PALLD: variants seen among roughly 807,000 people sequenced by gnomAD.
PALLD encodes palladin.
Under a neutral mutation model 123.5 loss-of-function variants are expected in PALLD, and 61 were observed. The ratio of observed to expected loss-of-function variants is 0.49; its 90% CI spans 0.40 to 0.61. The LOEUF (loss-of-function observed/expected upper bound fraction) is 0.61. PALLD is among the 20% of genes least tolerant of loss of function. The pLI is 0.00. For missense variants in PALLD, 1,273 were observed against 1,377.0 expected, an observed-to-expected ratio of 0.92 and a Z score of 1.20; for synonymous variants, 465 against 496.4, an observed-to-expected ratio of 0.94 and a Z score of 0.84.
At chr4:168,801,024 G>A (rs1186304948) in intron 10 of PALLD, among the ~76,000 whole-genome samples, 1 of 152,170 alleles carries the variant, frequency 6.6e-6, no homozygotes, top group Non-Finnish European at 1.5e-5. Context: ...AATACAGTCA[G>A]ATTCCACTGA....
chr4:168,505,484 G>T (rs1442019835), intron 1 of PALLD, among the ~76,000 whole-genome samples: 1 of 152,200 alleles, frequency 6.6e-6, no homozygotes, highest in Non-Finnish European at 1.5e-5. Context: ...GAACTAAAAA[G>T]CAATTGAATT....
chr4:168,626,887 T>G (rs2723694), intron 2 of PALLD, among the ~76,000 whole-genome samples: 116,550 of 152,004 alleles, frequency 0.77, 44,874 homozygotes, highest in Admixed American at 0.86. Flanking sequence ...TTGCGGTGAT[T>G]AAAGCAGTCA....
chr4:168,836,743 C>T (rs1745256370), intron 10 of PALLD, among the ~76,000 whole-genome samples: 1 of 152,150 alleles, frequency 6.6e-6, no homozygotes, highest in Admixed American at 6.5e-5. Flanking sequence ...AAGTAGGCGG[C>T]CCTCAGCTTT....
At chr4:168,881,216 G>A (rs1012586072) in intron 10 of PALLD, among the ~76,000 whole-genome samples, 2 of 152,038 alleles carry the variant, frequency 1.3e-5, no homozygotes, top group Non-Finnish European at 2.9e-5. Context: ...CTCTTAGTTT[G>A]CTTAATCATA....
At chr4:168,898,235 G>A in intron 13 of PALLD, 1 of 509,246 alleles carries the variant, frequency 2.0e-6, no homozygotes, top group South Asian at 2.2e-5. Context: ...TCGCCTCAGA[G>A]AAAAGAAGGA....
intron 2 of PALLD, among the ~76,000 whole-genome samples, chr4:168,614,469 A>G (rs1774029639): frequency 6.6e-6 from 1 of 152,188 alleles, no homozygotes; most frequent in Non-Finnish European, 1.5e-5. Flanking sequence ...TGTATCATAC[A>G]TGTTTGAAAT....
intron 10 of PALLD, among the ~76,000 whole-genome samples, chr4:168,795,202 T>C (rs1738312741): frequency 6.6e-6 from 1 of 152,186 alleles, no homozygotes; most frequent in Non-Finnish European, 1.5e-5. Flanking sequence ...AAACATTCAG[T>C]CTTTAGCAAG....
chr4:168,623,328 T>G (rs191902737), intron 2 of PALLD, among the ~76,000 whole-genome samples: 1 of 152,220 alleles, frequency 6.6e-6, no homozygotes, highest in Admixed American at 6.5e-5. Context: ...TACTTTATTA[T>G]AGAAATAACA....
At chr4:168,643,379 A>G (rs781170898) in intron 2 of PALLD, among the ~76,000 whole-genome samples, 4 of 152,178 alleles carry the variant, frequency 2.6e-5, no homozygotes, top group East Asian at 1.9e-4. Context: ...TGGCTTTGCA[A>G]TGTTAACAGT....
chr4:168,872,104 C>T (rs995183058), intron 10 of PALLD, among the ~76,000 whole-genome samples: 3 of 152,232 alleles, frequency 2.0e-5, no homozygotes, highest in African/African-American at 7.2e-5. Flanking sequence ...GAGACTCAGC[C>T]ATCCTTTGAT....
intron 10 of PALLD, among the ~76,000 whole-genome samples, chr4:168,759,179 C>CAAAAAAAAAAAA (rs1175955888): frequency 7.7e-4 from 7 of 9,050 alleles, no homozygotes; most frequent in South Asian, 8.1e-3. Context: ...GACTCCATCT[C>CAAAAAAAAAAAA]AAAAAAAAAA....
At chr4:168,603,814 T>C (rs542420908) in intron 2 of PALLD, among the ~76,000 whole-genome samples, 1 of 152,230 alleles carries the variant, frequency 6.6e-6, no homozygotes, top group African/African-American at 2.4e-5. Flanking sequence ...ATAGTAAAAG[T>C]GGTTTGGAAA....
chr4:168,803,830 G>A (rs1213218209), intron 10 of PALLD, among the ~76,000 whole-genome samples: 3 of 152,206 alleles, frequency 2.0e-5, no homozygotes, highest in Admixed American at 6.5e-5. Context: ...CTTTGGCATG[G>A]GAGAGGACTT....
rs551288869 is a variant in PALLD at position 168,796,283 on chromosome 4, C to G, written c.1964+84360C>G. Among the ~76,000 whole-genome samples, 11 of 152,198 alleles carry G rather than the reference C, an allele frequency of 7.2e-5. No homozygotes were observed. The South Asian group carries it at 1.2e-3, about 17-fold the overall frequency. Reference sequence around the variant, plus strand: ...CTTGCCCAGGCTGGCCTAATTGTTTCTTGAGAATAATTGTTGTATCCCCCA... The same window carrying G: ...CTTGCCCAGGCTGGCCTAATTGTTTGTTGAGAATAATTGTTGTATCCCCCA... On this transcript the variant is annotated intron_variant, in intron 10 of 21. Coordinates refer to ENST00000505667, the MANE Select transcript of PALLD (RefSeq NM_001166108.2).
At chr4:168,755,632 T>C (rs1323877374) in intron 10 of PALLD, among the ~76,000 whole-genome samples, 2 of 152,170 alleles carry the variant, frequency 1.3e-5, no homozygotes, top group Non-Finnish European at 2.9e-5. Flanking sequence ...AGTTATGTGA[T>C]CTAATTTAAT....
At chr4:168,564,280 T>G (rs1040863095) in intron 2 of PALLD, among the ~76,000 whole-genome samples, 2 of 152,218 alleles carry the variant, frequency 1.3e-5, no homozygotes, top group African/African-American at 4.8e-5. Flanking sequence ...TAAGGTCACG[T>G]AGACTCCAAC....
chr4:168,579,225 T>C (rs1769972337), intron 2 of PALLD, among the ~76,000 whole-genome samples: 2 of 152,158 alleles, frequency 1.3e-5, no homozygotes, highest in Admixed American at 1.3e-4. Flanking sequence ...ATTTGAAAGT[T>C]GGTTAATCTC....
intron 10 of PALLD, among the ~76,000 whole-genome samples, chr4:168,786,263 A>C (rs964575241): frequency 6.6e-6 from 1 of 151,978 alleles, no homozygotes; most frequent in African/African-American, 2.4e-5. Flanking sequence ...GGGAGGTAGA[A>C]GTTGCAGTGA....
intron 15 of PALLD, among the ~76,000 whole-genome samples, chr4:168,908,039 G>A (rs1165393837): frequency 1.3e-5 from 2 of 152,176 alleles, no homozygotes; most frequent in Admixed American, 1.3e-4. Flanking sequence ...AGGCCTCAGT[G>A]TGTAAATGTA....
Sources: allele counts gnomAD v4.1 joint callset (sites outside exome capture counted in the v4.1 genomes callset), GRCh38; gene constraint gnomAD v4.1.1; transcripts MANE v1.5; gene names NCBI Gene and HGNC (gene_info 2026-07-23, HGNC 2026-07-21).